DAPK2: variants seen among roughly 807,000 people sequenced by gnomAD.
DAPK2 encodes the protein death-associated protein kinase 2.
In DAPK2, 35 loss-of-function variants were observed where a neutral mutation model predicts 44.1. That is an observed-to-expected ratio of 0.79 (90% CI 0.61 to 1.05). The LOEUF (loss-of-function observed/expected upper bound fraction) is 1.05. Ranked by LOEUF, DAPK2 falls within the 50% of genes least tolerant of loss-of-function variation. DAPK2 has a pLI of 0.00. For missense variants in DAPK2, 453 were observed against 483.2 expected, an observed-to-expected ratio of 0.94 and a Z score of 0.59; for synonymous variants, 174 against 182.6, an observed-to-expected ratio of 0.95 and a Z score of 0.38.
At chr15:63,971,451 G>C (rs1012797638) in exon 3 of DAPK2, 4 of 1,613,950 alleles carry the variant, frequency 2.5e-6, no homozygotes, top group African/African-American at 1.3e-5. Flanking sequence ...AATTTTCTTT[G>C]TGTGAAGGTA....
At chr15:63,991,256 C>G (rs752459693) in intron 1 of DAPK2, 27 of 456,206 alleles carry the variant, frequency 5.9e-5, no homozygotes, top group Non-Finnish European at 1.1e-4. Context: ...GCGCTGGGAA[C>G]TAGATGGGCA....
upstream of DAPK2, among the ~76,000 whole-genome samples, chr15:64,041,788 C>G (rs914572152): frequency 2.0e-4 from 30 of 152,236 alleles, no homozygotes; most frequent in Non-Finnish European, 1.5e-5. Context: ...ATTTCACCCT[C>G]TTTCCACCAC....
At chr15:63,924,733 C>A (rs928385235) in intron 8 of DAPK2, 83 bp downstream of exon 9, 23 of 1,472,214 alleles carry the variant, frequency 1.6e-5, no homozygotes, top group Non-Finnish European at 1.9e-5. Flanking sequence ...TCTCCATGGG[C>A]CCTCTGCATC....
intron 1 of DAPK2, among the ~76,000 whole-genome samples, chr15:64,003,603 T>C (rs2079153461): frequency 6.6e-6 from 1 of 152,162 alleles, no homozygotes; most frequent in Non-Finnish European, 1.5e-5. Flanking sequence ...TTCTTTTCTT[T>C]TCTTTACTTT....
At chr15:63,927,497 T>C (rs1367367670) in intron 6 of DAPK2, among the ~76,000 whole-genome samples, 1 of 152,182 alleles carries the variant, frequency 6.6e-6, no homozygotes, top group Non-Finnish European at 1.5e-5. Context: ...AGCAAACCAG[T>C]GGCTCCCCAT....
At chr15:63,933,625 G>A (rs13380034) in intron 4 of DAPK2, among the ~76,000 whole-genome samples, 38,647 of 141,208 alleles carry the variant, frequency 0.27, 6,418 homozygotes, top group Non-Finnish European at 0.36. Flanking sequence ...TTGAGACAGG[G>A]TCTTGCTTAG....
intron 3 of DAPK2, among the ~76,000 whole-genome samples, chr15:63,959,566 G>T (rs536654225): frequency 3.7e-4 from 56 of 152,152 alleles, no homozygotes; most frequent in Non-Finnish European, 5.9e-4. Flanking sequence ...TAGCATGAAG[G>T]GCTGTTGAAT....
chr15:63,957,502 C>T, intron 3 of DAPK2, among the ~76,000 whole-genome samples: 1 of 112,016 alleles, frequency 8.9e-6, no homozygotes, highest in African/African-American at 3.4e-5. Flanking sequence ...GCTATCCCTC[C>T]CCCCTCCCCC....
rs2078925539 is a variant in DAPK2, at chr15:63,916,330, T to G, written c.859-4133A>C. On this transcript the variant is annotated intron_variant, in intron 8 of 10. Coordinates refer to ENST00000261891, the Ensembl canonical transcript of DAPK2. This position sits in a 1 kb window ranked among gnomAD's most constrained non-coding sequence, Gnocchi z 4.7. ...CCAACTCCACCCCCCACACAACGAT[T>G]TTCTCTAGATACTAGGTCTTCTTTA... 1 of 150,106 alleles carries G rather than the reference T, an allele frequency of 6.7e-6. No homozygotes were observed. The highest frequency in any genetic ancestry group is 2.5e-5 in the African/African-American group (1 of 40,740). The allele number at this position is 150,106 out of a possible 1,614,324, so 9.3% of individuals were successfully genotyped here. A position where few individuals can be genotyped will look rare whatever the true frequency, so the allele number is the denominator to read the frequency against.
chr15:63,951,161 C>T (rs1018793828), intron 3 of DAPK2, among the ~76,000 whole-genome samples: 4 of 152,158 alleles, frequency 2.6e-5, no homozygotes, highest in Non-Finnish European at 5.9e-5. Flanking sequence ...CTTCACCTTC[C>T]ATTTCTGAGT....
chr15:63,930,134 G>A (rs1438564195), intron 5 of DAPK2, among the ~76,000 whole-genome samples: 3 of 152,192 alleles, frequency 2.0e-5, no homozygotes, highest in African/African-American at 7.2e-5. Context: ...GCCCACGGGT[G>A]AGTCTGCGCC....
chr15:63,949,942 A>T (rs553131316), intron 3 of DAPK2, among the ~76,000 whole-genome samples: 1 of 152,160 alleles, frequency 6.6e-6, no homozygotes, highest in Non-Finnish European at 1.5e-5. Context: ...ATGTTCTGAA[A>T]TTTTTTTCCC....
intron 1 of DAPK2, among the ~76,000 whole-genome samples, chr15:64,025,198 C>T (rs1471762654): frequency 6.6e-6 from 1 of 152,218 alleles, no homozygotes; most frequent in Non-Finnish European, 1.5e-5. Flanking sequence ...CCAGCTCAGA[C>T]ACTTACCAAG....
intron 1 of DAPK2, among the ~76,000 whole-genome samples, chr15:63,987,481 G>T (rs1269242947): frequency 6.6e-6 from 1 of 152,264 alleles, no homozygotes; most frequent in Non-Finnish European, 1.5e-5. Flanking sequence ...CTGGAATCTG[G>T]TATACATATG....
In DAPK2 at chr15:64,013,347, A is replaced by G. The variant is rs2079438321; in HGVS notation, c.92+26823T>C. 6.6e-6 allele frequency among the ~76,000 whole-genome samples: 1 copy of G among 152,224 alleles called. No individual in the cohort carries two copies. The highest frequency in any genetic ancestry group is 1.5e-5 in the Non-Finnish European group (1 of 68,034). On this transcript the variant is annotated intron_variant, in intron 1 of 10. Transcript: ENST00000261891. The surrounding 1 kb of genome is among the most constrained non-coding windows in gnomAD (Gnocchi z 4.7). ...GCTGGGAGGCTGCAAGTCACAAGAC[A>G]TTAAGTGAATGTGGGCAGTCTTAAG... is the stretch of plus-strand genomic sequence containing the variant.
Position 63,908,405 on chromosome 15 carries a change from C to G in DAPK2, c.*115G>C. On this transcript the variant is annotated 3_prime_UTR_variant, in exon 11 of 11. Transcript: ENST00000261891. This position sits in a 1 kb window ranked among gnomAD's most constrained non-coding sequence, Gnocchi z 5.7. ...TTCTGAATTCCTTGGGCCCATCTCT[C>G]TTGCAAAGTGCTCAGGACGCCCGGG... The G allele has an allele frequency of 1.8e-6, 1 of 560,370 alleles. No individual in the cohort carries two copies. The highest frequency in any genetic ancestry group is 3.0e-6 in the Non-Finnish European group (1 of 337,602). 34.7% of individuals were successfully genotyped at this position (560,370 alleles called of 1,614,324 possible).
At chr15:64,007,566 T>C (rs1233224342) in intron 1 of DAPK2, among the ~76,000 whole-genome samples, 1 of 152,208 alleles carries the variant, frequency 6.6e-6, no homozygotes, top group Non-Finnish European at 1.5e-5. Flanking sequence ...ACAGGCTTAC[T>C]CTGCACAGGA....
chr15:63,928,292 T>A (rs1450723310), intron 6 of DAPK2: 1 of 152,274 alleles, frequency 6.6e-6, no homozygotes, highest in Non-Finnish European at 1.5e-5. Context: ...CAGCTGCAGC[T>A]CAGGGGGATC....
chr15:64,002,948 G>GTGTGTCGTGGGACC (rs2079123660), intron 1 of DAPK2, among the ~76,000 whole-genome samples: 2 of 134,880 alleles, frequency 1.5e-5, no homozygotes, highest in African/African-American at 5.6e-5. Flanking sequence ...GTGTGTGTGT[G>GTGTGTCGTGGGACC]TGTGTGTGTG....
Sources: gnomAD v4.1 joint callset for allele counts (sites outside exome capture counted in the v4.1 genomes callset) on GRCh38, gnomAD v4.1.1 for gene constraint, Gnocchi (gnomAD v3.1) non-coding constraint, MANE v1.5 for transcripts, NCBI Gene and HGNC (gene_info 2026-07-23, HGNC 2026-07-21) for gene names.